FABP12: variants seen among roughly 807,000 people sequenced by gnomAD.
FABP12 encodes the protein fatty acid-binding protein 12.
In FABP12, 19 loss-of-function variants were observed where a neutral mutation model predicts 13.7. The observed-to-expected ratio is 1.39, with a 90% CI of 0.97 to 2.04. FABP12 has a LOEUF of 2.04. FABP12 is among the 30% of genes most tolerant of loss of function. The pLI is 0.00. For synonymous variants in FABP12, 61 were observed against 57.0 expected (o/e 1.07, Z -0.32); for missense variants, 182 against 164.2 (o/e 1.11, Z -0.59).
intron 1 of FABP12, among the ~76,000 whole-genome samples, chr8:81,578,602 C>T (rs939499251): frequency 2.0e-5 from 3 of 151,276 alleles, no homozygotes; most frequent in African/African-American, 7.3e-5. Context: ...TCTCCTGCCT[C>T]AGCCTCCAGA....
At chr8:81,534,519 T>C (rs1809174049), upstream of FABP12, among the ~76,000 whole-genome samples, 1 of 152,206 alleles carries the variant, frequency 6.6e-6, no homozygotes, top group Admixed American at 6.5e-5. Context: ...CTGTGTTGAA[T>C]GTGTCTTACC....
chr8:81,555,875 T>G (rs1241724862), intron 1 of FABP12, among the ~76,000 whole-genome samples: 1 of 152,214 alleles, frequency 6.6e-6, no homozygotes, highest in Non-Finnish European at 1.5e-5. Context: ...ACTTTAGATG[T>G]TCTAGTATTT....
rs1585835735 is a variant in FABP12, at chr8:81,531,361, A to G, written c.-46T>C. 10 of 1,386,490 alleles carry G rather than the reference A, an allele frequency of 7.2e-6. No homozygotes were observed. The East Asian group carries it at 2.4e-4, about 33-fold the overall frequency. 85.9% of individuals were successfully genotyped at this position (1,386,490 alleles called of 1,614,324 possible). A position where few individuals can be genotyped will look rare whatever the true frequency, so the allele number is the denominator to read the frequency against. ...CTCAAAGAACAGTAGTTTCATGTGT[A>G]TGCTGGTTTTCCCTGAAGTAGTATG... On this transcript the variant is annotated 5_prime_UTR_variant, in exon 2 of 5. Transcript: ENST00000360464.
intron 1 of FABP12, among the ~76,000 whole-genome samples, chr8:81,539,796 A>G (rs924921365): frequency 1.3e-5 from 2 of 152,172 alleles, no homozygotes; most frequent in Non-Finnish European, 2.9e-5. Context: ...CTGAAGGCCT[A>G]TGATTCAGAC....
At chr8:81,531,291 A>G (rs765741394) in exon 2 of FABP12, 15 of 1,604,766 alleles carry the variant, frequency 9.3e-6, no homozygotes, top group South Asian at 1.1e-5. Flanking sequence ...ATGGACTTCC[A>G]TGTTCCTTGG....
upstream of FABP12, among the ~76,000 whole-genome samples, chr8:81,536,990 T>G (rs1809237992): frequency 6.6e-6 from 1 of 152,220 alleles, no homozygotes; most frequent in African/African-American, 2.4e-5. Context: ...AAGTATAAAT[T>G]TTTAAAACTG....
intron 1 of FABP12, among the ~76,000 whole-genome samples, chr8:81,549,907 C>T (rs1360109217): frequency 1.3e-5 from 2 of 152,172 alleles, no homozygotes; most frequent in African/African-American, 4.8e-5. Flanking sequence ...CTTTTGTCCC[C>T]AGTGCCACTA....
At chr8:81,530,590 T>G (rs1809043095) in intron 2 of FABP12, among the ~76,000 whole-genome samples, 1 of 152,196 alleles carries the variant, frequency 6.6e-6, no homozygotes, top group Admixed American at 6.5e-5. Context: ...TAAAACACAA[T>G]CACAGGATGT....
chr8:81,534,485 A>G (rs1008721899), upstream of FABP12, among the ~76,000 whole-genome samples: 8 of 152,194 alleles, frequency 5.3e-5, no homozygotes, highest in Non-Finnish European at 2.9e-5. Context: ...TGCCTCAATC[A>G]TTACCAACTT....
At chr8:81,541,524 C>T (rs1474098803) in intron 1 of FABP12, among the ~76,000 whole-genome samples, 1 of 152,126 alleles carries the variant, frequency 6.6e-6, no homozygotes, top group Non-Finnish European at 1.5e-5. Flanking sequence ...GAGCAATTCC[C>T]CTGGCCTCAG....
intron 1 of FABP12, among the ~76,000 whole-genome samples, chr8:81,540,991 C>A (rs949276916): frequency 2.0e-5 from 3 of 151,952 alleles, no homozygotes; most frequent in African/African-American, 7.2e-5. Flanking sequence ...GATAGTGAAA[C>A]CTCATCTCTA....
At chr8:81,570,628 C>T (rs141134137) in intron 1 of FABP12, among the ~76,000 whole-genome samples, 66 of 152,188 alleles carry the variant, frequency 4.3e-4, no homozygotes, top group African/African-American at 1.5e-3. Context: ...CTCCAGCTCT[C>T]CGCAGAGAGG....
intron 1 of FABP12, among the ~76,000 whole-genome samples, chr8:81,580,091 C>T (rs765950850): frequency 7.9e-5 from 12 of 152,144 alleles, no homozygotes; most frequent in Non-Finnish European, 1.6e-4. Flanking sequence ...TGCATTTTGA[C>T]CTTACTGGTC....
chr8:81,579,301 C>T lies in FABP12; in HGVS notation c.-185+10752G>A, dbSNP rs192515772. 7.2e-5 allele frequency among the ~76,000 whole-genome samples: 11 copies of T among 152,038 alleles called. No individual in the cohort carries two copies. The East Asian group carries it at 2.1e-3, about 29-fold the overall frequency. On this transcript the variant is annotated intron_variant, in intron 1 of 5. Coordinates refer to the FABP12 transcript ENST00000692030. ...TTAATTTTACTGTTTTCAGATTTCT[C>T]CGACAGCAATGAATAAAACAATTGC...
At chr8:81,583,883 A>G (rs767510744) in intron 1 of FABP12, among the ~76,000 whole-genome samples, 6 of 152,190 alleles carry the variant, frequency 3.9e-5, no homozygotes, top group Non-Finnish European at 7.3e-5. Flanking sequence ...ACAGGACACA[A>G]CAAAAATAAA....
At chr8:81,568,048 G>A (rs1585854461) in intron 1 of FABP12, among the ~76,000 whole-genome samples, 2 of 151,700 alleles carry the variant, frequency 1.3e-5, no homozygotes, top group African/African-American at 2.4e-5. Flanking sequence ...GCGTGAACCC[G>A]GGAAGCGGAG....
intron 1 of FABP12, among the ~76,000 whole-genome samples, chr8:81,555,435 G>T (rs1219157789): frequency 6.6e-6 from 1 of 151,980 alleles, no homozygotes; most frequent in Non-Finnish European, 1.5e-5. Flanking sequence ...CCAGACAAAT[G>T]GTTCCAATTT....
intron 1 of FABP12, among the ~76,000 whole-genome samples, chr8:81,579,682 T>C (rs1810124160): frequency 6.6e-6 from 1 of 152,322 alleles, no homozygotes; most frequent in Middle Eastern, 3.4e-3. Flanking sequence ...CGTTCTTAAG[T>C]ACATTTTGAC....
At chr8:81,532,460 A>T (rs1034420716) in intron 1 of FABP12, among the ~76,000 whole-genome samples, 1 of 152,254 alleles carries the variant, frequency 6.6e-6, no homozygotes, top group African/African-American at 2.4e-5. Context: ...AATTAGCATT[A>T]TATGCCTAAT....
Sources: gnomAD v4.1 joint callset for allele counts (sites outside exome capture counted in the v4.1 genomes callset) on GRCh38, gnomAD v4.1.1 for gene constraint, MANE v1.5 for transcripts, NCBI Gene and HGNC (gene_info 2026-07-23, HGNC 2026-07-21) for gene names.